TRAM2: variants seen among roughly 807,000 people sequenced by gnomAD.
TRAM2 encodes the protein translocation associated membrane protein 2, also known as translocating chain-associated membrane protein 2.
Under a neutral mutation model 51.0 loss-of-function variants are expected in TRAM2, and 12 were observed. That is an observed-to-expected ratio of 0.24 (90% CI 0.15 to 0.38). The LOEUF (loss-of-function observed/expected upper bound fraction) is 0.38, where lower values mean the gene tolerates loss of function less well. Ranked by LOEUF, TRAM2 falls within the 10% of genes least tolerant of loss-of-function variation. The pLI is 1.00. For missense variants in TRAM2, 361 were observed against 462.0 expected (o/e 0.78, Z 2.00); for synonymous variants, 175 against 179.4 (o/e 0.98, Z 0.20).
chr6:52,518,419 C>T (rs2114072100), intron 2 of TRAM2, among the ~76,000 whole-genome samples: 1 of 152,306 alleles, frequency 6.6e-6, no homozygotes, highest in South Asian at 2.1e-4. Flanking sequence ...ATCCTGAAGG[C>T]AACGTGGAAA....
At chr6:52,557,395 G>A (rs1767429275) in intron 1 of TRAM2, among the ~76,000 whole-genome samples, 2 of 152,156 alleles carry the variant, frequency 1.3e-5, no homozygotes, top group South Asian at 4.1e-4. Context: ...AGGATGCCAT[G>A]CATGCATTAT....
chr6:52,518,450 A>G (rs1766596279), intron 2 of TRAM2, among the ~76,000 whole-genome samples: 1 of 152,198 alleles, frequency 6.6e-6, no homozygotes, highest in Non-Finnish European at 1.5e-5. Context: ...TTCAAATTAA[A>G]CAGGAAAATG....
intron 1 of TRAM2, among the ~76,000 whole-genome samples, chr6:52,540,204 G>T (rs938388986): frequency 1.3e-5 from 2 of 151,416 alleles, no homozygotes; most frequent in Non-Finnish European, 2.9e-5. Flanking sequence ...AGATAAAGTA[G>T]CCTCCCGAGA....
Position 52,498,508 on chromosome 6 carries a change from T to G in TRAM2, c.*4689A>C, listed in dbSNP as rs1298929211. ...GCAAGTGGGCCTTTTAAAAAAAATC[T>G]GGGGGTGGGGAAAATAACGGAGAAG... On this transcript the variant is annotated 3_prime_UTR_variant, in exon 11 of 11. Coordinates refer to ENST00000182527, the MANE Select transcript of TRAM2 (RefSeq NM_012288.4). 2.6e-5 allele frequency: 4 copies of G among 151,900 alleles called. No individual in the cohort carries two copies. Among genetic ancestry groups the G allele is most frequent in the Admixed American group, 2.0e-4 (3 of 15,242 alleles). The allele number at this position is 151,900 out of a possible 1,614,324, so 9.4% of individuals were successfully genotyped here. A position where few individuals can be genotyped will look rare whatever the true frequency, so the allele number is the denominator to read the frequency against.
At chr6:52,531,307 G>C (rs552151036) in intron 2 of TRAM2, among the ~76,000 whole-genome samples, 1 of 152,244 alleles carries the variant, frequency 6.6e-6, no homozygotes, top group Admixed American at 6.5e-5. Flanking sequence ...TGATTAAGAA[G>C]CTCAAAACAA....
At chr6:52,576,227 G>C (rs1406196943) in intron 1 of TRAM2, among the ~76,000 whole-genome samples, 4 of 152,228 alleles carry the variant, frequency 2.6e-5, no homozygotes, top group Non-Finnish European at 5.9e-5. Flanking sequence ...GTGGGAGCGA[G>C]ACGAGAGCAG....
intron 2 of TRAM2, among the ~76,000 whole-genome samples, chr6:52,527,972 A>C (rs1419401030): frequency 6.6e-6 from 1 of 152,232 alleles, no homozygotes; most frequent in African/African-American, 2.4e-5. Flanking sequence ...GGCCAGGGAC[A>C]CTGGGGGCCG....
At position 52,515,674 on chromosome 6, in the gene TRAM2, A is replaced by G. The variant is rs79205540; in HGVS notation, c.411+332T>C. Among the ~76,000 whole-genome samples the G allele has an allele frequency of 6.6e-5, 10 of 152,332 alleles. No homozygotes were observed. In the East Asian group the frequency reaches 1.9e-3, roughly 29 times the overall value. On this transcript the variant is annotated intron_variant, in intron 4 of 10. Transcript: ENST00000182527. The stretch of plus-strand genomic sequence containing the variant: ...ATGAACATCAAATGTATCTTATGGG[A>G]CAGTGTTTGTAGAAGAGCCTTGTAA...
At chr6:52,535,409 G>A (rs192597487) in intron 2 of TRAM2, among the ~76,000 whole-genome samples, 17 of 152,368 alleles carry the variant, frequency 1.1e-4, no homozygotes, top group East Asian at 3.9e-4. Context: ...ACAGCTAGGC[G>A]TGGTGGCTCA....
At position 52,507,640 on chromosome 6, in the gene TRAM2, C is replaced by T. The variant is rs1292404548; in HGVS notation, c.556-17G>A. ...AATTTCCTCCTGGAAACAAGAGAAG[C>T]AGATGGTAAATTTGCTAATTCCCTA... On this transcript the variant is annotated splice_polypyrimidine_tract_variant and intron_variant, in intron 6 of 10. Transcript: ENST00000182527. The T allele has an allele frequency of 2.5e-6, 4 of 1,613,560 alleles. No homozygotes were observed. Among genetic ancestry groups the T allele is most frequent in the Non-Finnish European group, 3.4e-6 (4 of 1,179,728 alleles).
At chr6:52,557,250 T>TAACC (rs1226343634) in intron 1 of TRAM2, among the ~76,000 whole-genome samples, 1 of 151,974 alleles carries the variant, frequency 6.6e-6, no homozygotes, top group Non-Finnish European at 1.5e-5. Context: ...AGACTGTACA[T>TAACC]AACCTATAAT....
chr6:52,528,047 A>C (rs573353700), intron 2 of TRAM2, among the ~76,000 whole-genome samples: 2 of 152,298 alleles, frequency 1.3e-5, no homozygotes. Flanking sequence ...TGTTTGGCTC[A>C]ACAGGGCCAG....
chr6:52,537,602 ACT>A (rs759831850), intron 1 of TRAM2, among the ~76,000 whole-genome samples: 2 of 151,750 alleles, frequency 1.3e-5, no homozygotes, highest in Admixed American at 1.3e-4. Context: ...TGCCGGATGC[ACT>A]CTGTGTCATG....
chr6:52,571,934 C>A (rs1767687600), intron 1 of TRAM2, among the ~76,000 whole-genome samples: 1 of 152,218 alleles, frequency 6.6e-6, no homozygotes, highest in Non-Finnish European at 1.5e-5. Context: ...CACATATTAG[C>A]CTTCACTGGG....
At chr6:52,527,273 G>A (rs1581878705) in intron 2 of TRAM2, among the ~76,000 whole-genome samples, 1 of 151,822 alleles carries the variant, frequency 6.6e-6, no homozygotes, top group Admixed American at 6.6e-5. Context: ...TGCTACTCGG[G>A]AGGCTGAGGC....
At chr6:52,550,539 CTA>C (rs1258803149) in intron 1 of TRAM2, among the ~76,000 whole-genome samples, 1 of 152,036 alleles carries the variant, frequency 6.6e-6, no homozygotes, top group African/African-American at 2.4e-5. Flanking sequence ...CAATGGGACA[CTA>C]TTTTTATTTT....
chr6:52,575,632 G>A (rs1259233078), intron 1 of TRAM2, among the ~76,000 whole-genome samples: 1 of 152,160 alleles, frequency 6.6e-6, no homozygotes, highest in East Asian at 1.9e-4. Flanking sequence ...CAGGGAACCC[G>A]AGACAGAGGG....
chr6:52,530,069 C>CTAGAAA lies in TRAM2; in HGVS notation c.184+5713_184+5714insTTTCTA, dbSNP rs1302407666. Among the ~76,000 whole-genome samples the CTAGAAA allele has an allele frequency of 2.6e-5, 4 of 152,164 alleles. No homozygotes were observed. The East Asian group carries it at 7.7e-4, about 29-fold the overall frequency. ...TTTCAGATGAATGATGATTAATTTT[C>CTAGAAA]TAGTATAATGCTATCTCATACATAA... On this transcript the variant is annotated intron_variant, in intron 2 of 10. Transcript: ENST00000182527.
At chr6:52,529,762 G>C (rs138720881) in intron 2 of TRAM2, 42 of 152,352 alleles carry the variant, frequency 2.8e-4, no homozygotes, top group African/African-American at 8.7e-4. Context: ...CAAATTAGTA[G>C]CACAACCCAA....
Sources: allele counts gnomAD v4.1 joint callset (sites outside exome capture counted in the v4.1 genomes callset), GRCh38; gene constraint gnomAD v4.1.1; transcripts MANE v1.5; gene names NCBI Gene and HGNC (gene_info 2026-07-23, HGNC 2026-07-21).